MEGF11: variants seen among roughly 807,000 people sequenced by gnomAD.
MEGF11 encodes the protein multiple epidermal growth factor-like domains protein 11.
Under a neutral mutation model 146.6 loss-of-function variants are expected in MEGF11, and 126 were observed. That is an observed-to-expected ratio of 0.86 (90% CI 0.74 to 1.00). The LOEUF (loss-of-function observed/expected upper bound fraction) is 1.00. Among genes scored for constraint, MEGF11 ranks in the 50% least tolerant of loss-of-function variants. MEGF11 has a pLI of 0.00. For synonymous variants in MEGF11, 532 were observed against 583.4 expected, an observed-to-expected ratio of 0.91 and a Z score of 1.27; for missense variants, 1,509 against 1,521.2, an observed-to-expected ratio of 0.99 and a Z score of 0.13.
At chr15:66,083,774 C>T (rs1429660145) in intron 5 of MEGF11, among the ~76,000 whole-genome samples, 1 of 152,016 alleles carries the variant, frequency 6.6e-6, no homozygotes, top group Non-Finnish European at 1.5e-5. Flanking sequence ...AAAATTAGCC[C>T]AGCATGGCGA....
intron 10 of MEGF11, among the ~76,000 whole-genome samples, chr15:65,945,311 G>A (rs547227064): frequency 1.3e-5 from 2 of 152,318 alleles, no homozygotes; most frequent in African/African-American, 4.8e-5. Context: ...TGCCCTCCAT[G>A]AAGGCACCCA....
At chr15:65,992,949 T>C (rs142423307) in intron 5 of MEGF11, among the ~76,000 whole-genome samples, 338 of 152,228 alleles carry the variant, frequency 2.2e-3, no homozygotes, top group African/African-American at 7.6e-3. Context: ...AGCTGGAACA[T>C]TGGAGTTCTT....
intron 8 of MEGF11, 113 bp downstream of exon 8, chr15:65,970,440 C>T: frequency 8.0e-7 from 1 of 1,247,438 alleles, no homozygotes. Context: ...AGAGTGCTTT[C>T]TGAGAAAGGA....
intron 5 of MEGF11, among the ~76,000 whole-genome samples, chr15:65,990,435 C>G (rs1596961544): frequency 6.6e-6 from 1 of 151,662 alleles, no homozygotes; most frequent in Admixed American, 6.6e-5. Flanking sequence ...CCTGTAGTCC[C>G]AACTACTCAG....
chr15:66,210,754 A>G (rs2091424614), intron 1 of MEGF11, among the ~76,000 whole-genome samples: 1 of 152,200 alleles, frequency 6.6e-6, no homozygotes, highest in African/African-American at 2.4e-5. Context: ...TGGAATTCTT[A>G]CCGCAGTATG....
At chr15:66,044,590 G>T (rs1462191267) in intron 5 of MEGF11, among the ~76,000 whole-genome samples, 2 of 152,054 alleles carry the variant, frequency 1.3e-5, no homozygotes, top group African/African-American at 4.8e-5. Flanking sequence ...GCTCATGCTT[G>T]TAATCTCAGT....
intron 3 of MEGF11, among the ~76,000 whole-genome samples, chr15:66,120,846 G>A (rs746190860): frequency 6.6e-6 from 1 of 152,116 alleles, no homozygotes; most frequent in Non-Finnish European, 1.5e-5. Flanking sequence ...CCCAAGCCCC[G>A]CAATGGGGGG....
chr15:66,127,850 C>T (rs552336251), intron 2 of MEGF11, among the ~76,000 whole-genome samples: 5 of 137,318 alleles, frequency 3.6e-5, no homozygotes, highest in South Asian at 5.3e-4. Flanking sequence ...CCCCCTCACC[C>T]GTCCTCCTCA....
intron 1 of MEGF11, among the ~76,000 whole-genome samples, chr15:66,162,590 T>C (rs1162247482): frequency 6.6e-6 from 1 of 152,018 alleles, no homozygotes; most frequent in Non-Finnish European, 1.5e-5. Context: ...TCTGTGGTGA[T>C]AGAAAAACAA....
chr15:66,250,486 C>T (rs905829463), intron 1 of MEGF11, among the ~76,000 whole-genome samples: 3 of 152,232 alleles, frequency 2.0e-5, no homozygotes, highest in Non-Finnish European at 2.9e-5. Flanking sequence ...CTGTCTGATT[C>T]ATTGCTGTAT....
At chr15:65,942,974 CTTTTTTTT>C (rs58874869) in intron 10 of MEGF11, among the ~76,000 whole-genome samples, 127 of 47,620 alleles carry the variant, frequency 2.7e-3, no homozygotes, top group African/African-American at 9.3e-3. Flanking sequence ...AACAACTTGG[CTTTTTTTT>C]TTTTTTTTTT....
intron 1 of MEGF11, among the ~76,000 whole-genome samples, chr15:66,226,532 G>A (rs1177833031): frequency 6.6e-6 from 1 of 152,160 alleles, no homozygotes; most frequent in Non-Finnish European, 1.5e-5. Context: ...ACAGGCATGA[G>A]CCACTGCACC....
chr15:66,188,882 G>T (rs2090790199), intron 1 of MEGF11, among the ~76,000 whole-genome samples: 1 of 152,208 alleles, frequency 6.6e-6, no homozygotes, highest in African/African-American at 2.4e-5. Flanking sequence ...CCTAAAGGGG[G>T]TTGCAGGGCT....
At chr15:66,208,549 T>C (rs1186662479) in intron 1 of MEGF11, among the ~76,000 whole-genome samples, 1 of 152,124 alleles carries the variant, frequency 6.6e-6, no homozygotes, top group African/African-American at 2.4e-5. Context: ...AAATCAGAGT[T>C]GAGGGACAGG....
At chr15:65,930,689 C>A in intron 11 of MEGF11, 134 bp downstream of exon 11, 2 of 1,144,166 alleles carry the variant, frequency 1.7e-6, no homozygotes, top group Non-Finnish European at 2.4e-6. Context: ...TGGAACCCAA[C>A]CAATATAGGC....
rs1227647155 is a variant in MEGF11 at position 65,915,609 on chromosome 15, CAAAG to C, written c.2345-15_2345-12del. On this transcript the variant is annotated splice_polypyrimidine_tract_variant and intron_variant, in intron 18 of 25. Transcript: ENST00000395614. ...TTCCTGGGGCACATCCTGTGTGGCA[CAAAG>C]AGTTAGGGTAGAGGACCCACTCACT... 10 of 1,613,400 alleles carry C rather than the reference CAAAG, an allele frequency of 6.2e-6. No homozygotes were observed. Among genetic ancestry groups the C allele is most frequent in the Non-Finnish European group, 8.5e-6 (10 of 1,179,576 alleles).
At chr15:66,158,401 C>A (rs1028729796) in intron 1 of MEGF11, among the ~76,000 whole-genome samples, 1 of 152,250 alleles carries the variant, frequency 6.6e-6, no homozygotes, top group Non-Finnish European at 1.5e-5. Flanking sequence ...CAGATGGAAC[C>A]GTGTGGACTC....
intron 1 of MEGF11, among the ~76,000 whole-genome samples, chr15:66,163,220 A>G (rs2090003237): frequency 1.3e-5 from 2 of 152,304 alleles, no homozygotes; most frequent in South Asian, 2.1e-4. Flanking sequence ...ATATTCAGCC[A>G]CCACAGTATG....
Position 66,224,038 on chromosome 15 carries a change from G to T in MEGF11, c.-9+29567C>A, listed in dbSNP as rs139211535. Among the ~76,000 whole-genome samples the T allele has an allele frequency of 6.1e-3, 925 of 152,274 alleles. 31 individuals are homozygous for T. The highest frequency in any genetic ancestry group is 0.054 in the Admixed American group (826 of 15,292). ...CTTTTTTCAATCAGTCATGATGGGG[G>T]AAATTTAATCAACAACAGGACACTT... On this transcript the variant is annotated intron_variant, in intron 1 of 25. Coordinates refer to ENST00000395614, the MANE Select transcript of MEGF11 (RefSeq NM_001385028.1).
Sources: allele counts gnomAD v4.1 joint callset (sites outside exome capture counted in the v4.1 genomes callset), GRCh38; gene constraint gnomAD v4.1.1; transcripts MANE v1.5; gene names NCBI Gene and HGNC (gene_info 2026-07-23, HGNC 2026-07-21).